Variants in RGS7 observed in about 807,000 individuals in gnomAD.
RGS7 encodes the protein regulator of G protein signaling 7, also known as regulator of G-protein signaling 7.
RGS7 carries 27 observed loss-of-function variants against 81.1 expected under a neutral mutation model. The ratio of observed to expected loss-of-function variants is 0.33; its 90% CI spans 0.25 to 0.46. The LOEUF is 0.46. Ranked by LOEUF, RGS7 falls within the 20% of genes least tolerant of loss-of-function variation. RGS7 has a pLI of 1.00. For synonymous variants in RGS7, 208 were observed against 207.7 expected, an observed-to-expected ratio of 1.00 and a Z score of -0.01; for missense variants, 396 against 607.4, an observed-to-expected ratio of 0.65 and a Z score of 3.66.
intron 3 of RGS7, among the ~76,000 whole-genome samples, chr1:241,051,426 T>C (rs2148806595): frequency 6.6e-6 from 1 of 151,266 alleles, no homozygotes; most frequent in East Asian, 1.9e-4. Flanking sequence ...TGTAGTTACC[T>C]TGAAAGGAAC....
intron 2 of RGS7, among the ~76,000 whole-genome samples, chr1:241,136,625 C>T (rs541378315): frequency 6.6e-6 from 1 of 152,168 alleles, no homozygotes; most frequent in Non-Finnish European, 1.5e-5. Flanking sequence ...AGAACAAAAC[C>T]ATCTGGAAAC....
At chr1:241,077,282 C>A (rs919459517) in intron 3 of RGS7, among the ~76,000 whole-genome samples, 1 of 152,106 alleles carries the variant, frequency 6.6e-6, no homozygotes, top group African/African-American at 2.4e-5. Context: ...ACAAGCTGGG[C>A]TGTCATGAAA....
Position 240,996,877 on chromosome 1 carries a change from G to GT in RGS7, c.176-13749dup, listed in dbSNP as rs965529498. Among the ~76,000 whole-genome samples, 292 of 151,566 alleles carry GT rather than the reference G, an allele frequency of 1.9e-3. 4 individuals are homozygous for GT. The highest frequency in any genetic ancestry group is 4.7e-4 in the Non-Finnish European group (32 of 67,812). ...AAGTATGCCATTTTATTTTTTGTGG[G>GT]TTTTTTTTCTTGTTCCTGCCTTCCA... is the stretch of plus-strand genomic sequence containing the variant. On this transcript the variant is annotated intron_variant, in intron 3 of 18. Coordinates refer to ENST00000440928, the MANE Select transcript of RGS7 (RefSeq NM_001364886.1).
At chr1:241,330,659 C>T (rs1573713846) in intron 2 of RGS7, among the ~76,000 whole-genome samples, 1 of 152,158 alleles carries the variant, frequency 6.6e-6, no homozygotes, top group East Asian at 1.9e-4. Flanking sequence ...AGTCAAGCTA[C>T]CCCTATAGCT....
At chr1:241,191,862 A>C (rs530745596) in intron 2 of RGS7, among the ~76,000 whole-genome samples, 1 of 152,324 alleles carries the variant, frequency 6.6e-6, no homozygotes, top group East Asian at 1.9e-4. Flanking sequence ...AAGTTGTCAA[A>C]TTCATGTGTA....
intron 6 of RGS7, among the ~76,000 whole-genome samples, chr1:240,881,512 C>T (rs931250780): frequency 6.6e-6 from 1 of 152,048 alleles, no homozygotes; most frequent in African/African-American, 2.4e-5. Context: ...TAAAAAAAAG[C>T]AGGGTTTTCA....
intron 2 of RGS7, among the ~76,000 whole-genome samples, chr1:241,128,629 T>C (rs1017655882): frequency 2.6e-5 from 4 of 152,000 alleles, no homozygotes; most frequent in Non-Finnish European, 5.9e-5. Context: ...TATTTTATAA[T>C]GTCAAAAATA....
intron 16 of RGS7, among the ~76,000 whole-genome samples, chr1:240,802,055 G>A (rs561016095): frequency 6.6e-5 from 10 of 152,188 alleles, no homozygotes; most frequent in South Asian, 2.1e-4. Context: ...ACAGTCCCAC[G>A]TGGCTAGTGA....
chr1:240,793,611 A>ATATATTTTTTTTTTTTTT, intron 18 of RGS7, among the ~76,000 whole-genome samples: 14 of 78,808 alleles, frequency 1.8e-4, no homozygotes, highest in African/African-American at 1.3e-3. Flanking sequence ...ATATATATAT[A>ATATATTTTTTTTTTTTTT]TTTTTTTTTT....
intron 2 of RGS7, chr1:241,305,500 A>T (rs139948558): frequency 1.3e-5 from 2 of 151,722 alleles, no homozygotes; most frequent in Admixed American, 1.3e-4. Flanking sequence ...TGGGCCATGA[A>T]GGTTTTCCAA....
chr1:241,096,763 G>T (rs560464866), intron 3 of RGS7, among the ~76,000 whole-genome samples: 2 of 152,300 alleles, frequency 1.3e-5, no homozygotes, highest in African/African-American at 4.8e-5. Context: ...CCACTAGAGT[G>T]GGTATCACAA....
At chr1:240,931,755 G>C (rs1281029640) in intron 5 of RGS7, among the ~76,000 whole-genome samples, 1 of 152,158 alleles carries the variant, frequency 6.6e-6, no homozygotes, top group Non-Finnish European at 1.5e-5. Flanking sequence ...TCCAGATTCT[G>C]TAGAATCTAG....
intron 3 of RGS7, among the ~76,000 whole-genome samples, chr1:241,083,318 T>C (rs1204333451): frequency 1.3e-5 from 2 of 151,532 alleles, no homozygotes; most frequent in East Asian, 1.9e-4. Flanking sequence ...GAAAGTTTTA[T>C]GTCAGAGCCC....
chr1:240,897,530 T>C (rs1669290474), intron 6 of RGS7, among the ~76,000 whole-genome samples: 1 of 144,646 alleles, frequency 6.9e-6, no homozygotes, highest in Non-Finnish European at 1.5e-5. Flanking sequence ...TCTGCATCTA[T>C]TGAGATAATC....
rs533953489 is a variant in RGS7 at position 241,336,005 on chromosome 1, T to G, written c.78+19694A>C. ...TTAGAGTAGTGTGATTATGATTGCT[T>G]CTTCTTCTTCTTTTTCCTTTTTTTT... On this transcript the variant is annotated intron_variant, in intron 2 of 18. Transcript: ENST00000440928. Among the ~76,000 whole-genome samples the G allele has an allele frequency of 1.4e-4, 22 of 152,172 alleles. No homozygotes were observed. In the South Asian group the frequency reaches 2.7e-3, roughly 19 times the overall value.
chr1:240,886,631 G>A (rs1667377375), intron 6 of RGS7, among the ~76,000 whole-genome samples: 1 of 152,000 alleles, frequency 6.6e-6, no homozygotes, highest in South Asian at 2.1e-4. Flanking sequence ...AATAAAAAGA[G>A]AGAGACATAA....
At chr1:241,063,386 T>G (rs1306375852) in intron 3 of RGS7, among the ~76,000 whole-genome samples, 1 of 152,138 alleles carries the variant, frequency 6.6e-6, no homozygotes, top group Non-Finnish European at 1.5e-5. Flanking sequence ...AAAAAGGCAG[T>G]AAATGTCTTG....
rs533604281 is a variant in RGS7, at chr1:240,932,701, G to A, written c.334-1933C>T. ...GTTTTTGTATTTTTAGTAGAGACGG[G>A]GTTTCACCGTGTTAGCCAGGATGGT... On this transcript the variant is annotated intron_variant, in intron 5 of 18. Coordinates refer to ENST00000440928, the MANE Select transcript of RGS7 (RefSeq NM_001364886.1). Among the ~76,000 whole-genome samples, 39 of 150,564 alleles carry A rather than the reference G, an allele frequency of 2.6e-4. 2 individuals are homozygous for A. The South Asian group carries it at 7.0e-3, about 27-fold the overall frequency.
At chr1:240,926,624 T>C (rs1221206482) in intron 6 of RGS7, among the ~76,000 whole-genome samples, 1 of 152,186 alleles carries the variant, frequency 6.6e-6, no homozygotes, top group Non-Finnish European at 1.5e-5. Context: ...ACTGACACTG[T>C]CTCTACTTCT....
Sources: gnomAD v4.1 joint callset for allele counts (sites outside exome capture counted in the v4.1 genomes callset) on GRCh38, gnomAD v4.1.1 for gene constraint, MANE v1.5 for transcripts, NCBI Gene and HGNC (gene_info 2026-07-23, HGNC 2026-07-21) for gene names.